Variants in NEK11 observed in about 807,000 individuals in gnomAD.
NEK11 encodes the protein NIMA related kinase 11.
In NEK11, 72 loss-of-function variants were observed where a neutral mutation model predicts 80.7. That is an observed-to-expected ratio of 0.89 (90% confidence interval 0.74 to 1.08). NEK11 has a LOEUF of 1.08. Ranked by LOEUF, NEK11 falls within the 50% of genes least tolerant of loss-of-function variation. The pLI is 0.00. For missense variants in NEK11, 764 were observed against 763.6 expected, an observed-to-expected ratio of 1.00 and a Z score of -0.01; for synonymous variants, 251 against 260.7, an observed-to-expected ratio of 0.96 and a Z score of 0.36.
In NEK11 at chr3:131,109,789, G is replaced by A. The variant is rs752003648; in HGVS notation, c.337-14G>A. 1 of 1,575,160 alleles carries A rather than the reference G, an allele frequency of 6.3e-7. No individual in the cohort carries two copies. Among genetic ancestry groups the A allele is most frequent in the Non-Finnish European group, 8.6e-7 (1 of 1,167,812 alleles). ...TAGCTGAAAAAATATGAAAGATTAT[G>A]CTCTTCATTTCAGGGCCGAGATCTG... On this transcript the variant is annotated splice_polypyrimidine_tract_variant and intron_variant, in intron 4 of 17. Coordinates refer to ENST00000383366, the MANE Select transcript of NEK11 (RefSeq NM_024800.5).
At chr3:131,229,387 G>A (rs1188429747) in intron 15 of NEK11, among the ~76,000 whole-genome samples, 1 of 152,058 alleles carries the variant, frequency 6.6e-6, no homozygotes, top group Non-Finnish European at 1.5e-5. Context: ...GGAAAGCTTT[G>A]GGCAATGTGC....
intron 17 of NEK11, among the ~76,000 whole-genome samples, chr3:131,290,569 T>C (rs2096533512): frequency 6.6e-6 from 1 of 152,154 alleles, no homozygotes; most frequent in Admixed American, 6.5e-5. Context: ...GCCAAAGTCA[T>C]TGTTGACTAG....
At chr3:131,230,565 A>G (rs1307175401) in intron 15 of NEK11, among the ~76,000 whole-genome samples, 1 of 152,152 alleles carries the variant, frequency 6.6e-6, no homozygotes, top group African/African-American at 2.4e-5. Flanking sequence ...CCTCTTTATG[A>G]TACTGCCAAA....
At chr3:131,168,497 C>T (rs984491587) in intron 12 of NEK11, among the ~76,000 whole-genome samples, 4 of 150,308 alleles carry the variant, frequency 2.7e-5, no homozygotes, top group Non-Finnish European at 6.0e-5. Flanking sequence ...GCTGGGACTA[C>T]AGGCGCCCGC....
chr3:131,094,835 G>T (rs1387954543), intron 4 of NEK11, among the ~76,000 whole-genome samples: 1 of 152,122 alleles, frequency 6.6e-6, no homozygotes, highest in Non-Finnish European at 1.5e-5. Context: ...CCAGACAGTG[G>T]TTATAAACCA....
intron 14 of NEK11, among the ~76,000 whole-genome samples, chr3:131,178,873 G>A (rs1579657749): frequency 6.6e-6 from 1 of 152,086 alleles, no homozygotes; most frequent in Non-Finnish European, 1.5e-5. Flanking sequence ...ATTATCTTAT[G>A]GGACCACAAC....
chr3:131,042,633 C>G (rs979182102), intron 3 of NEK11, among the ~76,000 whole-genome samples: 2 of 152,194 alleles, frequency 1.3e-5, no homozygotes, highest in South Asian at 2.1e-4. Context: ...AGATAAAACT[C>G]CCATCTCCCT....
chr3:131,296,090 G>T (rs1023957087), intron 17 of NEK11, among the ~76,000 whole-genome samples: 1 of 151,906 alleles, frequency 6.6e-6, no homozygotes, highest in East Asian at 1.9e-4. Context: ...ATTCACCTGC[G>T]TTGGCCTCCC....
chr3:131,274,657 TTTTTTTTG>T (rs1321078612), intron 17 of NEK11, among the ~76,000 whole-genome samples: 3 of 128,534 alleles, frequency 2.3e-5, no homozygotes, highest in African/African-American at 9.3e-5. Context: ...TTTTTTTTTT[TTTTTTTTG>T]AGACGGAGTC....
intron 17 of NEK11, among the ~76,000 whole-genome samples, chr3:131,287,100 C>G (rs1398811200): frequency 6.6e-6 from 1 of 152,182 alleles, no homozygotes; most frequent in East Asian, 1.9e-4. Context: ...CCCATGGAAG[C>G]TGGACTGCAG....
intron 5 of NEK11, among the ~76,000 whole-genome samples, chr3:131,118,128 A>G (rs1430990919): frequency 6.6e-6 from 1 of 152,118 alleles, no homozygotes; most frequent in African/African-American, 2.4e-5. Context: ...AATAGCTCTT[A>G]TTATTTTGAG....
chr3:131,063,060 T>A (rs1055251691), intron 3 of NEK11, among the ~76,000 whole-genome samples: 1 of 152,254 alleles, frequency 6.6e-6, no homozygotes. Context: ...ACTTTTGCGC[T>A]GATGCCCAGG....
At chr3:131,055,270 TC>T (rs1169687946) in intron 3 of NEK11, among the ~76,000 whole-genome samples, 8 of 152,358 alleles carry the variant, frequency 5.3e-5, no homozygotes, top group African/African-American at 1.9e-4. Flanking sequence ...GTGAATGTCT[TC>T]ATTCAGTCTT....
intron 17 of NEK11, among the ~76,000 whole-genome samples, chr3:131,294,448 A>T (rs956866322): frequency 5.3e-5 from 8 of 151,892 alleles, no homozygotes; most frequent in Non-Finnish European, 7.4e-5. Flanking sequence ...TTCTGTTTTT[A>T]AAAAAAGTCT....
At chr3:131,117,761 T>C (rs1163198592) in intron 5 of NEK11, among the ~76,000 whole-genome samples, 1 of 152,244 alleles carries the variant, frequency 6.6e-6, no homozygotes, top group African/African-American at 2.4e-5. Context: ...AATTCATTCA[T>C]GATTTGGCTC....
intron 14 of NEK11, among the ~76,000 whole-genome samples, chr3:131,206,422 T>A (rs1375481775): frequency 6.6e-6 from 1 of 152,186 alleles, no homozygotes. Context: ...TTTAAAAAAT[T>A]TATGCACAAA....
At chr3:131,125,419 A>G (rs1415918526) in intron 5 of NEK11, among the ~76,000 whole-genome samples, 2 of 152,196 alleles carry the variant, frequency 1.3e-5, no homozygotes, top group Non-Finnish European at 1.5e-5. Context: ...TAATAGTAAT[A>G]TTAATTTGGT....
intron 14 of NEK11, among the ~76,000 whole-genome samples, chr3:131,192,253 A>G (rs1179822274): frequency 6.6e-6 from 1 of 152,166 alleles, no homozygotes; most frequent in Non-Finnish European, 1.5e-5. Flanking sequence ...CTTTACACCC[A>G]TTAGAATGGC....
chr3:131,133,410 T>A, intron 6 of NEK11: 1 of 371,606 alleles, frequency 2.7e-6, no homozygotes, highest in Non-Finnish European at 5.1e-6. Flanking sequence ...TCTTAAATAG[T>A]CTCAGATCTT....
Sources: allele counts gnomAD v4.1 joint callset (sites outside exome capture counted in the v4.1 genomes callset), GRCh38; gene constraint gnomAD v4.1.1; transcripts MANE v1.5; gene names NCBI Gene and HGNC (gene_info 2026-07-23, HGNC 2026-07-21).